The following ZNF599 variants were observed in gnomAD, a reference collection of about 807,000 sequenced individuals.
ZNF599 encodes the protein zinc finger protein 599.
Under a neutral mutation model 11.7 loss-of-function variants are expected in ZNF599, and 10 were observed. The ratio of observed to expected loss-of-function variants is 0.86; its 90% CI spans 0.53 to 1.45. The LOEUF (loss-of-function observed/expected upper bound fraction) is 1.45, where lower values mean the gene tolerates loss of function less well. Among genes scored for constraint, ZNF599 ranks in the 40% most tolerant of loss-of-function variants. The probability of loss-of-function intolerance (pLI) is 0.00; values close to 1 mark genes in which losing one functional copy is unlikely to be tolerated. For synonymous variants in ZNF599, 232 were observed against 253.2 expected (o/e 0.92, Z 0.79); for missense variants, 688 against 713.6 (o/e 0.96, Z 0.41).
upstream of ZNF599, among the ~76,000 whole-genome samples, chr19:34,776,344 A>G (rs1449996819): frequency 2.0e-5 from 3 of 152,246 alleles, no homozygotes; most frequent in Non-Finnish European, 4.4e-5. Context: ...TTATTTACAC[A>G]TATTCACTTC....
intron 2 of ZNF599, among the ~76,000 whole-genome samples, chr19:34,768,794 G>C (rs2069162174): frequency 6.6e-6 from 1 of 152,122 alleles, no homozygotes; most frequent in Non-Finnish European, 1.5e-5. Flanking sequence ...TCAGCCCTAA[G>C]CCAACACTCA....
chr19:34,765,799 C>G lies in ZNF599; in HGVS notation c.241+1517G>C, dbSNP rs2069138571. Among the ~76,000 whole-genome samples, 6 of 152,180 alleles carry G rather than the reference C, an allele frequency of 3.9e-5. No individual in the cohort carries two copies. In the South Asian group the frequency reaches 1.2e-3, roughly 32 times the overall value. On this transcript the variant is annotated intron_variant, in intron 3 of 3. Coordinates refer to ENST00000329285, the MANE Select transcript of ZNF599 (RefSeq NM_001007248.3). ...TGTGAGTGGATGCAGATATAACACA[C>G]AGGGCTGACCAGATGCACAGAGCAC... is the stretch of plus-strand genomic sequence containing the variant.
the ZNF599 span, among the ~76,000 whole-genome samples, chr19:34,800,433 A>G: frequency 6.6e-6 from 1 of 152,074 alleles, no homozygotes; most frequent in African/African-American, 2.4e-5. Flanking sequence ...TTTTTATTCA[A>G]TCTGACAGTT....
the ZNF599 span, among the ~76,000 whole-genome samples, chr19:34,785,013 T>C: frequency 6.7e-6 from 1 of 149,854 alleles, no homozygotes; most frequent in Non-Finnish European, 1.5e-5. Context: ...ACTGTATGTC[T>C]AGTTGCCTGC....
chr19:34,805,197 C>CT, the ZNF599 span, among the ~76,000 whole-genome samples: 56,525 of 125,854 alleles, frequency 0.45, 14,413 homozygotes, highest in East Asian at 0.75. Context: ...TAAGTGCTAC[C>CT]TTTTTTTTTT....
chr19:34,783,614 C>G, the ZNF599 span, among the ~76,000 whole-genome samples: 1 of 152,176 alleles, frequency 6.6e-6, no homozygotes, highest in Non-Finnish European at 1.5e-5. Flanking sequence ...GAGGGGTGGT[C>G]TCACCAGGAT....
Position 34,758,189 on chromosome 19 carries a change from ACTGGTT to A in ZNF599, c.*839_*844del, listed in dbSNP as rs2069083596. On this transcript the variant is annotated 3_prime_UTR_variant, in exon 4 of 4. Transcript: ENST00000329285. Reference sequence around the variant, plus strand: ...ACCCATAGAAGAAGGTTATGTGTTGACTGGTTGATAAAAATGTTTGGATCAGAGGCT... The same window carrying A: ...ACCCATAGAAGAAGGTTATGTGTTGAGATAAAAATGTTTGGATCAGAGGCT... 6.6e-6 allele frequency: 1 copy of A among 152,238 alleles called. No homozygotes were observed. Among genetic ancestry groups the A allele is most frequent in the Non-Finnish European group, 1.5e-5 (1 of 68,038 alleles). The allele number at this position is 152,238 out of a possible 1,614,324, so 9.4% of individuals were successfully genotyped here.
chr19:34,804,058 C>A, the ZNF599 span, among the ~76,000 whole-genome samples: 3 of 152,180 alleles, frequency 2.0e-5, no homozygotes, highest in Admixed American at 2.0e-4. Flanking sequence ...AAGGGCAACC[C>A]TTAATCCTGC....
Position 34,759,760 on chromosome 19 carries a change from G to A in ZNF599, c.1041C>T (p.Ala347=), listed in dbSNP as rs2069097631. The A allele has an allele frequency of 6.2e-7, 1 of 1,613,552 alleles. No individual in the cohort carries two copies. The highest frequency in any genetic ancestry group is 1.7e-5 in the Admixed American group (1 of 59,950). The part of the protein sequence containing the change: ...KLYECGECGK[A]FTHRSTFIQH... ...GGATAAATGTGGAGCGGTGCGTGAA[G>A]GCCTTTCCACATTCACCGCACTCAT... Residue 347 remains alanine, a synonymous_variant, in exon 4 of 4, where the codon GCC becomes GCT. Transcript: ENST00000329285.
the ZNF599 span, among the ~76,000 whole-genome samples, chr19:34,795,018 C>T: frequency 1.3e-5 from 2 of 152,126 alleles, no homozygotes; most frequent in Non-Finnish European, 1.5e-5. Context: ...AGCAGGATGT[C>T]TTTATTTTCT....
At position 34,759,231 on chromosome 19, in the gene ZNF599, G is replaced by T; in HGVS notation, c.1570C>A (p.Arg524=). Reference sequence around the variant, plus strand: ...TCTCCAGTGTGGATCCTATTATGCCGAACAAAATTTGCAGGTTGGGTAAAA... The same window carrying T: ...TCTCCAGTGTGGATCCTATTATGCCTAACAAAATTTGCAGGTTGGGTAAAA... The part of the protein sequence containing the change: ...KAFTQPANFV[R]HNRIHTGEKP... The change falls in exon 4 of 4, where the codon CGG becomes AGG. Residue 524 remains arginine, a synonymous_variant. Transcript: ENST00000329285. 6.2e-7 allele frequency: 1 copy of T among 1,614,034 alleles called. No individual in the cohort carries two copies. Among genetic ancestry groups the T allele is most frequent in the African/African-American group, 1.3e-5 (1 of 75,002 alleles).
the ZNF599 span, among the ~76,000 whole-genome samples, chr19:34,805,973 A>G: frequency 1.3e-5 from 2 of 152,318 alleles, no homozygotes; most frequent in South Asian, 4.1e-4. Context: ...CCTCTGGCCG[A>G]GGACCCTGGG....
chr19:34,795,836 T>TTTC, the ZNF599 span, among the ~76,000 whole-genome samples: 1 of 152,174 alleles, frequency 6.6e-6, no homozygotes, highest in African/African-American at 2.4e-5. Context: ...TCTTTTTCTT[T>TTTC]TTGAGATGGA....
chr19:34,759,012 G>T lies in ZNF599; in HGVS notation c.*22C>A. 2 of 1,582,272 alleles carry T rather than the reference G, an allele frequency of 1.3e-6. No individual in the cohort carries two copies. Among genetic ancestry groups the T allele is most frequent in the Non-Finnish European group, 1.7e-6 (2 of 1,162,742 alleles). Reference sequence around the variant, plus strand: ...GAGTTCACTAAAGACAAACACACTTGTAATAGGCCTTCCTGTATCTTTTAA... The same window carrying T: ...GAGTTCACTAAAGACAAACACACTTTTAATAGGCCTTCCTGTATCTTTTAA... On this transcript the variant is annotated 3_prime_UTR_variant, in exon 4 of 4. Transcript: ENST00000329285.
intron 3 of ZNF599, among the ~76,000 whole-genome samples, chr19:34,766,398 A>ATTTCACCTTCTT (rs1479680933): frequency 6.6e-6 from 1 of 152,216 alleles, no homozygotes; most frequent in Non-Finnish European, 1.5e-5. Flanking sequence ...TCAATAAATG[A>ATTTCACCTTCTT]CGGGCTGGAG....
chr19:34,769,001 C>T (rs529714222), intron 2 of ZNF599, among the ~76,000 whole-genome samples: 1 of 152,324 alleles, frequency 6.6e-6, no homozygotes, highest in African/African-American at 2.4e-5. Context: ...GACCTTTCAG[C>T]TGAGACTGTG....
chr19:34,796,897 G>A, the ZNF599 span, among the ~76,000 whole-genome samples: 2 of 152,254 alleles, frequency 1.3e-5, no homozygotes, highest in South Asian at 4.1e-4. Flanking sequence ...AGGGTCTCTG[G>A]ACAAAGTTTT....
Position 34,760,089 on chromosome 19 carries a change from A to G in ZNF599, c.712T>C (p.Tyr238His), listed in dbSNP as rs1278117088. The part of the protein sequence containing the change: ...ECNECGKACR[Y>H]MADVIRHMRL... ...ATATGTCGAATGACATCAGCCATAT[A>G]ACGACAGGCTTTCCCACACTCATTG... is the stretch of plus-strand genomic sequence containing the variant. The change falls in exon 4 of 4, where the codon TAT (tyrosine) becomes CAT (histidine). Residue 238 changes from tyrosine (Y) to histidine (H), a missense_variant. Transcript: ENST00000329285. The G allele has an allele frequency of 6.2e-7, 1 of 1,614,040 alleles. No individual in the cohort carries two copies. Among genetic ancestry groups the G allele is most frequent in the East Asian group, 2.2e-5 (1 of 44,884 alleles).
At chr19:34,802,779 GCCAGGAC>G in the ZNF599 span, among the ~76,000 whole-genome samples, 1 of 152,236 alleles carries the variant, frequency 6.6e-6, no homozygotes, top group Admixed American at 6.5e-5. Context: ...ACTTAATAGG[GCCAGGAC>G]CCCTCTGAGC....
Sources: gnomAD v4.1 joint callset for allele counts (sites outside exome capture counted in the v4.1 genomes callset) on GRCh38, gnomAD v4.1.1 for gene constraint, MANE v1.5 for transcripts, NCBI Gene and HGNC (gene_info 2026-07-23, HGNC 2026-07-21) for gene names.